FAM83G: variants seen among roughly 807,000 people sequenced by gnomAD.
FAM83G encodes the protein scaffolding CK1 anchoring protein G.
FAM83G carries 38 observed loss-of-function variants against 61.5 expected under a neutral mutation model. The observed-to-expected ratio is 0.62, with a 90% CI of 0.48 to 0.81. The LOEUF (loss-of-function observed/expected upper bound fraction) is 0.81. Among genes scored for constraint, FAM83G ranks in the 30% least tolerant of loss-of-function variants. FAM83G has a pLI of 0.00. For synonymous variants in FAM83G, 470 were observed against 476.1 expected, an observed-to-expected ratio of 0.99 and a Z score of 0.17; for missense variants, 989 against 1,133.6, an observed-to-expected ratio of 0.87 and a Z score of 1.83.
rs761521609 is a variant in FAM83G at position 18,971,326 on chromosome 17, T to G, written c.*33A>C. 11 of 1,606,698 alleles carry G rather than the reference T, an allele frequency of 6.8e-6. No homozygotes were observed. Among genetic ancestry groups the G allele is most frequent in the Non-Finnish European group, 9.4e-6 (11 of 1,175,334 alleles). On this transcript the variant is annotated 3_prime_UTR_variant, in exon 6 of 6. Coordinates refer to ENST00000388995, the MANE Select transcript of FAM83G (RefSeq NM_001039999.3). This position sits in a 1 kb window ranked among gnomAD's most constrained non-coding sequence, Gnocchi z 5.5. The stretch of plus-strand genomic sequence containing the variant: ...CGCGTCATGAGTCTGGGCTGGGGCC[T>G]CAGAAGGTGTGGCTCCAGGCTGGGA...
chr17:18,978,035 G>A lies in FAM83G; in HGVS notation c.1631C>T (p.Pro544Leu). 2 of 1,535,754 alleles carry A rather than the reference G, an allele frequency of 1.3e-6. No individual in the cohort carries two copies. Among genetic ancestry groups the A allele is most frequent in the Non-Finnish European group, 8.7e-7 (1 of 1,142,956 alleles). Residue 544 changes from proline (P) to leucine (L), a missense_variant, in exon 5 of 6, where the codon CCC becomes CTC. Transcript: ENST00000388995. ...APQNGTDHRL[P>L]RMAGPGHAPL... ...GGCGTGGCCTGGGCCTGCCATCCTG[G>A]GTAGCCTATGGTCTGTCCCATTCTG...
chr17:19,003,941 G>T lies in FAM83G; in HGVS notation c.101C>A (p.Ala34Glu). ...GCCGCGGGCCACCAGGGCCTCCAGC[G>T]CCAGCCGCTGCTCCTCGCTGTAGAA... ...EFFYSEEQRL[A>E]LEALVARGRD... Residue 34 changes from alanine to glutamate, a missense_variant, in exon 2 of 6, where the codon GCG becomes GAG. Around this residue, in one of 3 missense-constraint regions of FAM83G, gnomAD observed 371 missense variants for 404.5 expected, o/e 0.92. Coordinates refer to ENST00000388995, the MANE Select transcript of FAM83G (RefSeq NM_001039999.3). The surrounding 1 kb of genome is among the most constrained non-coding windows in gnomAD (Gnocchi z 4.5). 1 of 1,612,752 alleles carries T rather than the reference G, an allele frequency of 6.2e-7. No homozygotes were observed. Among genetic ancestry groups the T allele is most frequent in the South Asian group, 1.1e-5 (1 of 91,074 alleles).
chr17:18,981,116 C>G (rs919411964), intron 3 of FAM83G, among the ~76,000 whole-genome samples: 1 of 152,214 alleles, frequency 6.6e-6, no homozygotes, highest in Non-Finnish European at 1.5e-5. Context: ...AGGATCCCAC[C>G]TGGGAGGTGA....
In FAM83G at chr17:18,971,945, C is replaced by T. The variant is rs573973177; in HGVS notation, c.2083-197G>A. Among the ~76,000 whole-genome samples, 69 of 152,224 alleles carry T rather than the reference C, an allele frequency of 4.5e-4. No individual in the cohort carries two copies. Among genetic ancestry groups the T allele is most frequent in the Non-Finnish European group, 7.6e-4 (52 of 68,038 alleles). ...CCCCTGTCTGTAATATGGGAATAAT[C>T]CTGCCCTTTGTGGGTGTAGCAAGGC... is the stretch of plus-strand genomic sequence containing the variant. On this transcript the variant is annotated intron_variant, in intron 5 of 5. Coordinates refer to ENST00000388995, the MANE Select transcript of FAM83G (RefSeq NM_001039999.3). The surrounding 1 kb of genome is among the most constrained non-coding windows in gnomAD (Gnocchi z 5.5).
At chr17:18,979,228 T>C (rs1228632159) in intron 4 of FAM83G, 2 of 465,064 alleles carry the variant, frequency 4.3e-6, no homozygotes, top group Non-Finnish European at 7.8e-6. Context: ...CCATGCCCCA[T>C]GTGGTGGTGC....
intron 4 of FAM83G, 198 bp from the exon 5 acceptor site, chr17:18,979,048 T>C (rs1323819073): frequency 8.1e-6 from 5 of 614,548 alleles, no homozygotes; most frequent in Non-Finnish European, 1.1e-5. Flanking sequence ...ACCAAGCCCA[T>C]TCCCACCTCT....
rs538629397 is a variant in FAM83G, at chr17:19,000,752, A to G, written c.522+2768T>C. On this transcript the variant is annotated intron_variant, in intron 2 of 5. Coordinates refer to ENST00000388995, the MANE Select transcript of FAM83G (RefSeq NM_001039999.3). This position sits in a 1 kb window ranked among gnomAD's most constrained non-coding sequence, Gnocchi z 5.2. ...GGGGCAGGCAGAGTTCTCCCTACAC[A>G]ATACCAGAGTGAGAAGGGGAGGTGG... is the stretch of plus-strand genomic sequence containing the variant. Among the ~76,000 whole-genome samples the G allele has an allele frequency of 2.6e-5, 4 of 152,288 alleles. No homozygotes were observed. The South Asian group carries it at 8.3e-4, about 32-fold the overall frequency.
intron 3 of FAM83G, among the ~76,000 whole-genome samples, chr17:18,984,282 C>G (rs2043210863): frequency 6.9e-6 from 1 of 145,182 alleles, no homozygotes; most frequent in African/African-American, 2.6e-5. Flanking sequence ...GCAGAGCTTG[C>G]AGTTCACGCC....
intron 5 of FAM83G, among the ~76,000 whole-genome samples, chr17:18,972,314 A>G (rs1028516524): frequency 7.9e-5 from 12 of 152,196 alleles, no homozygotes; most frequent in Admixed American, 2.0e-4. Context: ...GGTCCACCAT[A>G]GGACAAGGCA....
rs2043003890 is a variant in FAM83G, at chr17:18,977,278, A to G, written c.2082+306T>C. 5.2e-6 allele frequency: 3 copies of G among 579,628 alleles called. No individual in the cohort carries two copies. The South Asian group carries it at 6.7e-5, about 13-fold the overall frequency. The allele number at this position is 579,628 out of a possible 1,614,324, so 35.9% of individuals were successfully genotyped here. On this transcript the variant is annotated intron_variant, in intron 5 of 5. Transcript: ENST00000388995. ...CTGCAAACTAGGGACTGTGCCACCC[A>G]TCTGGCAGGTGCCATCAAGATCCTC...
chr17:18,974,431 G>A (rs1196136966), intron 5 of FAM83G, among the ~76,000 whole-genome samples: 1 of 152,242 alleles, frequency 6.6e-6, no homozygotes, highest in Non-Finnish European at 1.5e-5. Flanking sequence ...CTCCCGTCTG[G>A]GCTATGCCCC....
chr17:18,977,016 C>T (rs1381233306), intron 5 of FAM83G: 27 of 1,608,304 alleles, frequency 1.7e-5, no homozygotes, highest in East Asian at 2.2e-5. Context: ...GCACTGAACC[C>T]AGGCTGCAGG....
At chr17:18,982,659 G>A (rs564621805) in intron 3 of FAM83G, among the ~76,000 whole-genome samples, 1 of 152,250 alleles carries the variant, frequency 6.6e-6, no homozygotes, top group East Asian at 1.9e-4. Flanking sequence ...CAGGGCTGGG[G>A]CAAACTACAG....
At chr17:18,976,693 C>A in intron 5 of FAM83G, 1 of 914,928 alleles carries the variant, frequency 1.1e-6, no homozygotes, top group Non-Finnish European at 1.6e-6. Context: ...CTGGTGGGAC[C>A]CTGACAGTAT....
upstream of FAM83G, among the ~76,000 whole-genome samples, chr17:19,005,964 C>T (rs2043876707): frequency 6.6e-6 from 1 of 152,232 alleles, no homozygotes; most frequent in African/African-American, 2.4e-5. Flanking sequence ...CCCTCTGCTA[C>T]TGTGGATCCC....
intron 2 of FAM83G, among the ~76,000 whole-genome samples, chr17:18,989,293 C>A (rs1033297142): frequency 6.6e-6 from 1 of 152,152 alleles, no homozygotes; most frequent in Non-Finnish European, 1.5e-5. Flanking sequence ...TACAGACTAC[C>A]CTGACTTGTC....
Position 18,971,119 on chromosome 17 carries a change from C to T in FAM83G, c.*240G>A. ...CCTGCCACCTGCCACGTACAGACGC[C>T]ATGCACATGTTTCGAGACCCCCACA... is the stretch of plus-strand genomic sequence containing the variant. On this transcript the variant is annotated 3_prime_UTR_variant, in exon 6 of 6. Transcript: ENST00000388995. The surrounding 1 kb of genome is among the most constrained non-coding windows in gnomAD (Gnocchi z 5.5). The T allele has an allele frequency of 6.2e-7, 1 of 1,614,130 alleles. No individual in the cohort carries two copies. Among genetic ancestry groups the T allele is most frequent in the Non-Finnish European group, 8.5e-7 (1 of 1,180,040 alleles).
Position 18,977,652 on chromosome 17 carries a change from G to A in FAM83G, c.2014C>T (p.Arg672Trp), listed in dbSNP as rs377667225. 2.5e-6 allele frequency: 4 copies of A among 1,609,890 alleles called. No homozygotes were observed. The highest frequency in any genetic ancestry group is 1.7e-5 in the Admixed American group (1 of 59,978). ...AACGCATCTGCTTCTTCTCTTCCCC[G>A]ACTCTGGGCCCATGGGGAGCCACCC... Reference protein sequence around the residue: ...PQGGSPWAQSRGREEADALKR... With the variant: ...PQGGSPWAQSWGREEADALKR... The change falls in exon 5 of 6, where the codon CGG becomes TGG. Residue 672 changes from arginine (R) to tryptophan (W), a missense_variant. Coordinates refer to ENST00000388995, the MANE Select transcript of FAM83G (RefSeq NM_001039999.3).
rs1383592975 is a variant in FAM83G, at chr17:18,969,828, G to A, written c.*1531C>T. On this transcript the variant is annotated 3_prime_UTR_variant, in exon 6 of 6. Coordinates refer to ENST00000388995, the MANE Select transcript of FAM83G (RefSeq NM_001039999.3). ...AAAAGCATGTACAAAATGCCAAGAG[G>A]TGATGCTACCTCCTGCAGGACAAAG... is the stretch of plus-strand genomic sequence containing the variant. 1 of 177,310 alleles carries A rather than the reference G, an allele frequency of 5.6e-6. No homozygotes were observed. Among genetic ancestry groups the A allele is most frequent in the Non-Finnish European group, 1.2e-5 (1 of 84,758 alleles). The allele number at this position is 177,310 out of a possible 1,614,324, so 11.0% of individuals were successfully genotyped here. A position where few individuals can be genotyped will look rare whatever the true frequency, so the allele number is the denominator to read the frequency against.
Sources: allele counts gnomAD v4.1 joint callset (sites outside exome capture counted in the v4.1 genomes callset), GRCh38; gene constraint gnomAD v4.1.1; regional missense constraint gnomAD v4.1.1; non-coding constraint Gnocchi (gnomAD v3.1); transcripts MANE v1.5; gene names NCBI Gene and HGNC (gene_info 2026-07-23, HGNC 2026-07-21).